The following INPP5A variants were observed in gnomAD, a reference collection of about 807,000 sequenced individuals.
INPP5A encodes the protein 43 kDa inositol polyphosphate 5-phophatase.
INPP5A carries 14 observed loss-of-function variants against 65.2 expected under a neutral mutation model. That is an observed-to-expected ratio of 0.21 (90% CI 0.14 to 0.34). INPP5A has a LOEUF of 0.34. INPP5A is among the 10% of genes least tolerant of loss of function. The pLI is 1.00. For missense variants in INPP5A, 431 were observed against 545.6 expected, an observed-to-expected ratio of 0.79 and a Z score of 2.09; for synonymous variants, 207 against 208.3, an observed-to-expected ratio of 0.99 and a Z score of 0.05.
intron 1 of INPP5A, among the ~76,000 whole-genome samples, chr10:132,564,068 A>T (rs1180302249): frequency 6.6e-6 from 1 of 152,148 alleles, no homozygotes; most frequent in African/African-American, 2.4e-5. Flanking sequence ...ATGCCTTCTC[A>T]GTTAGGACAG....
chr10:132,641,291 T>C (rs2072424215), intron 2 of INPP5A, among the ~76,000 whole-genome samples: 2 of 152,244 alleles, frequency 1.3e-5, no homozygotes, highest in Admixed American at 1.3e-4. Context: ...GATTTCAAGA[T>C]GACCAATGCC....
At chr10:132,655,234 C>G (rs2072638995) in intron 4 of INPP5A, among the ~76,000 whole-genome samples, 1 of 152,224 alleles carries the variant, frequency 6.6e-6, no homozygotes, top group Non-Finnish European at 1.5e-5. Flanking sequence ...GCCCTTGCTC[C>G]TGGGTTCAGC....
intron 2 of INPP5A, among the ~76,000 whole-genome samples, chr10:132,632,445 C>T (rs1406893020): frequency 6.6e-6 from 1 of 152,200 alleles, no homozygotes; most frequent in Non-Finnish European, 1.5e-5. Context: ...AGCCTGGATG[C>T]CAGCATTGTT....
Position 132,704,017 on chromosome 10 carries a change from A to C in INPP5A, c.475-4296A>C, listed in dbSNP as rs557207679. On this transcript the variant is annotated intron_variant, in intron 6 of 15. Coordinates refer to ENST00000368594, the MANE Select transcript of INPP5A (RefSeq NM_005539.5). The surrounding 1 kb of genome is among the most constrained non-coding windows in gnomAD (Gnocchi z 4.5). The stretch of plus-strand genomic sequence containing the variant: ...CACACACGCACGGCTTCACCCCCCC[A>C]CACACGCGTGGCTTCACCCCCACAC... 3.5e-3 allele frequency among the ~76,000 whole-genome samples: 392 copies of C among 113,146 alleles called. 3 individuals carry two copies. The highest frequency in any genetic ancestry group is 4.1e-3 in the Non-Finnish European group (215 of 52,892). 74.2% of individuals were successfully genotyped at this position (113,146 alleles called of 152,430 possible).
At position 132,644,706 on chromosome 10, in the gene INPP5A, G is replaced by T. The variant is rs767910152; in HGVS notation, c.118-1162G>T. Among the ~76,000 whole-genome samples the T allele has an allele frequency of 2.0e-5, 3 of 152,206 alleles. No homozygotes were observed. The highest frequency in any genetic ancestry group is 2.9e-5 in the Non-Finnish European group (2 of 68,040). On this transcript the variant is annotated intron_variant, in intron 2 of 15. Transcript: ENST00000368594. This position sits in a 1 kb window ranked among gnomAD's most constrained non-coding sequence, Gnocchi z 6.5. ...GTGGCTGTTGTAGCACCACCACCCCGGCACCAGACAGAGAGCCCTGTCGGG... is the reference window on the plus strand; with the variant it reads ...GTGGCTGTTGTAGCACCACCACCCCTGCACCAGACAGAGAGCCCTGTCGGG...
In INPP5A at chr10:132,677,499, G is replaced by C. The variant is rs143019448; in HGVS notation, c.307-12893G>C. Among the ~76,000 whole-genome samples the C allele has an allele frequency of 9.2e-3, 1,402 of 152,324 alleles. 20 individuals are homozygous for C. Among genetic ancestry groups the C allele is most frequent in the African/African-American group, 0.032 (1,341 of 41,584 alleles). ...TAGACCGGCCAATGACTTTGCCCCC[G>C]CAGTGTGACAGAGAGCCCAGTGCTG... On this transcript the variant is annotated intron_variant, in intron 4 of 15. Coordinates refer to ENST00000368594, the MANE Select transcript of INPP5A (RefSeq NM_005539.5).
At chr10:132,542,616 C>T (rs1240088823) in intron 1 of INPP5A, among the ~76,000 whole-genome samples, 3 of 151,902 alleles carry the variant, frequency 2.0e-5, no homozygotes, top group Non-Finnish European at 1.5e-5. Context: ...TGTCCTTCTC[C>T]AGGCCTCTGC....
rs139374409 is a variant in INPP5A at position 132,671,297 on chromosome 10, A to G, written c.307-19095A>G. ...AGATGACTTAGGAGTGGAGAGTTCA[A>G]ACGTGGGCTGCGGCGAGGCTTGTGC... On this transcript the variant is annotated intron_variant, in intron 4 of 15. Coordinates refer to ENST00000368594, the MANE Select transcript of INPP5A (RefSeq NM_005539.5). Among the ~76,000 whole-genome samples, 816 of 147,896 alleles carry G rather than the reference A, an allele frequency of 5.5e-3. 9 individuals are homozygous for G. The highest frequency in any genetic ancestry group is 0.019 in the African/African-American group (772 of 40,624).
At chr10:132,541,850 G>A (rs1270436939) in intron 1 of INPP5A, among the ~76,000 whole-genome samples, 4 of 152,268 alleles carry the variant, frequency 2.6e-5, no homozygotes, top group Non-Finnish European at 5.9e-5. Context: ...TGGCTGGGGT[G>A]CCTGGGACTT....
At chr10:132,748,486 A>C (rs1432817601) in intron 9 of INPP5A, among the ~76,000 whole-genome samples, 1 of 152,194 alleles carries the variant, frequency 6.6e-6, no homozygotes, top group Non-Finnish European at 1.5e-5. Context: ...CAGTGCCCAC[A>C]AGGCCCCTGT....
At chr10:132,540,755 A>G (rs1383942689) in intron 1 of INPP5A, among the ~76,000 whole-genome samples, 2 of 152,242 alleles carry the variant, frequency 1.3e-5, no homozygotes, top group Admixed American at 6.5e-5. Context: ...CGCACCCTGC[A>G]GGCAGTGCTC....
Position 132,741,835 on chromosome 10 carries a change from T to C in INPP5A, c.733-7682T>C, listed in dbSNP as rs1326815898. ...ACTGAGGTGGACGTTGGCGTCCGCGTCTGCTTGCTTTACTCCATAGCTGAT... is the reference window on the plus strand; with the variant it reads ...ACTGAGGTGGACGTTGGCGTCCGCGCCTGCTTGCTTTACTCCATAGCTGAT... On this transcript the variant is annotated intron_variant, in intron 9 of 15. Transcript: ENST00000368594. This position sits in a 1 kb window ranked among gnomAD's most constrained non-coding sequence, Gnocchi z 4.4. Among the ~76,000 whole-genome samples the C allele has an allele frequency of 6.6e-6, 1 of 151,998 alleles. No individual in the cohort carries two copies. Among genetic ancestry groups the C allele is most frequent in the Non-Finnish European group, 1.5e-5 (1 of 68,008 alleles).
chr10:132,684,315 G>C (rs950318551), intron 4 of INPP5A, among the ~76,000 whole-genome samples: 1 of 152,236 alleles, frequency 6.6e-6, no homozygotes, highest in Admixed American at 6.5e-5. Flanking sequence ...CCTGTCTCCT[G>C]AGAGCTCCAG....
intron 2 of INPP5A, among the ~76,000 whole-genome samples, chr10:132,632,019 CGT>C (rs2072281784): frequency 1.3e-5 from 2 of 152,216 alleles, no homozygotes; most frequent in Non-Finnish European, 2.9e-5. Context: ...AGCTCAGACT[CGT>C]GGGTGGAGAT....
At chr10:132,572,512 G>A (rs778064482) in intron 1 of INPP5A, among the ~76,000 whole-genome samples, 5 of 152,208 alleles carry the variant, frequency 3.3e-5, no homozygotes, top group African/African-American at 1.2e-4. Context: ...CTTTCCCTGG[G>A]AGGGATGCTG....
At position 132,762,744 on chromosome 10, in the gene INPP5A, ACT is replaced by A. The variant is rs1846756946; in HGVS notation, c.904-3028_904-3027del. Among the ~76,000 whole-genome samples, 1 of 152,160 alleles carries A rather than the reference ACT, an allele frequency of 6.6e-6. No homozygotes were observed. The highest frequency in any genetic ancestry group is 1.5e-5 in the Non-Finnish European group (1 of 68,022). Reference sequence around the variant, plus strand: ...TACTTGGGGCTGGGCACGGTAGAACACTTGGGGAGGCCGAGGCAGGAGGATTG... The same window carrying A: ...TACTTGGGGCTGGGCACGGTAGAACATGGGGAGGCCGAGGCAGGAGGATTG... On this transcript the variant is annotated intron_variant, in intron 11 of 15. Transcript: ENST00000368594. The surrounding 1 kb of genome is among the most constrained non-coding windows in gnomAD (Gnocchi z 4.6).
chr10:132,558,197 C>A (rs544927732), intron 1 of INPP5A, among the ~76,000 whole-genome samples: 30 of 152,202 alleles, frequency 2.0e-4, no homozygotes, highest in Non-Finnish European at 3.2e-4. Context: ...ATAGCCTTCC[C>A]GCCAGCTGCG....
rs1343347168 is a variant in INPP5A at position 132,555,258 on chromosome 10, C to T, written c.75+17087C>T. On this transcript the variant is annotated intron_variant, in intron 1 of 15. Transcript: ENST00000368594. This position sits in a 1 kb window ranked among gnomAD's most constrained non-coding sequence, Gnocchi z 4.4. Reference sequence around the variant, plus strand: ...GGTGCTCAGGCCCCTGTTCCTTCACCGTGCTGGGGAAGGGCGCTCCTGATC... The same window carrying T: ...GGTGCTCAGGCCCCTGTTCCTTCACTGTGCTGGGGAAGGGCGCTCCTGATC... 1.3e-5 allele frequency among the ~76,000 whole-genome samples: 2 copies of T among 151,888 alleles called. No individual in the cohort carries two copies. Among genetic ancestry groups the T allele is most frequent in the South Asian group, 2.1e-4 (1 of 4,816 alleles).
At chr10:132,677,861 C>T (rs960620936) in intron 4 of INPP5A, among the ~76,000 whole-genome samples, 5 of 152,192 alleles carry the variant, frequency 3.3e-5, no homozygotes, top group Admixed American at 1.3e-4. Flanking sequence ...TGCAGAATGC[C>T]GGCTTCCACG....
Sources: allele counts gnomAD v4.1 joint callset (sites outside exome capture counted in the v4.1 genomes callset), GRCh38; gene constraint gnomAD v4.1.1; non-coding constraint Gnocchi (gnomAD v3.1); transcripts MANE v1.5; gene names NCBI Gene and HGNC (gene_info 2026-07-23, HGNC 2026-07-21).